Variants in ABCC12 observed in about 807,000 individuals in gnomAD.
The protein encoded by ABCC12 is ATP-binding cassette sub-family C member 12.
In ABCC12, 142 loss-of-function variants were observed where a neutral mutation model predicts 151.1. That is an observed-to-expected ratio of 0.94 (90% CI 0.82 to 1.08). ABCC12 has a LOEUF of 1.08. Ranked by LOEUF, ABCC12 falls within the 50% of genes least tolerant of loss-of-function variation. The pLI, the probability that ABCC12 is intolerant of heterozygous loss-of-function variation, is 0.00. For missense variants in ABCC12, 1,638 were observed against 1,691.1 expected (o/e 0.97, Z 0.55); for synonymous variants, 645 against 646.4 (o/e 1.00, Z 0.03).
At chr16:48,101,560 G>A (rs575455515) in intron 22 of ABCC12, among the ~76,000 whole-genome samples, 1 of 151,496 alleles carries the variant, frequency 6.6e-6, no homozygotes, top group Middle Eastern at 3.4e-3. Flanking sequence ...CAGGGACCTC[G>A]GGTGTTTACA....
At chr16:48,152,064 A>G (rs1458696403) in intron 2 of ABCC12, among the ~76,000 whole-genome samples, 1 of 152,190 alleles carries the variant, frequency 6.6e-6, no homozygotes, top group East Asian at 1.9e-4. Context: ...AAGGCTTGGC[A>G]TGACCGTGAA....
chr16:48,083,002 T>C lies in ABCC12; in HGVS notation c.*713A>G, dbSNP rs545074207. 1 of 152,272 alleles carries C rather than the reference T, an allele frequency of 6.6e-6. No individual in the cohort carries two copies. The highest frequency in any genetic ancestry group is 2.4e-5 in the African/African-American group (1 of 41,554). The allele number at this position is 152,272 out of a possible 1,614,324, so 9.4% of individuals were successfully genotyped here. A position where few individuals can be genotyped will look rare whatever the true frequency, so the allele number is the denominator to read the frequency against. On this transcript the variant is annotated 3_prime_UTR_variant, in exon 31 of 31. Coordinates refer to ENST00000311303, the MANE Select transcript of ABCC12 (RefSeq NM_001393797.1). ...AACAAGGGTCTATTGGAGGAAATAG[T>C]ATGGAAATTGGAATATCTTCAGTGA...
Position 48,115,427 on chromosome 16 carries a change from G to A in ABCC12, c.1977C>T (p.Thr659=). 6.2e-7 allele frequency: 1 copy of A among 1,614,056 alleles called. No homozygotes were observed. The highest frequency in any genetic ancestry group is 8.5e-7 in the Non-Finnish European group (1 of 1,179,974). ...TLRGKTVVLV[T]HQLQFLESCD... ...CATGTCCCATCACCTGTAGCTGGTG[G>A]GTCACCAGGACGACTGTCTTTCCCC... The change falls in exon 15 of 31, where the codon ACC becomes ACT. Residue 659 remains threonine (T), a synonymous_variant. Transcript: ENST00000311303.
At chr16:48,084,300 T>C (rs558257422) in intron 29 of ABCC12, among the ~76,000 whole-genome samples, 110 of 152,268 alleles carry the variant, frequency 7.2e-4, no homozygotes, top group African/African-American at 2.6e-3. Flanking sequence ...AGGGACAAGG[T>C]TGTATATCCT....
Position 48,146,333 on chromosome 16 carries a change from G to A in ABCC12, c.92C>T (p.Thr31Ile), listed in dbSNP as rs112583501. Reference protein sequence around the residue: ...FAERYDPSLKTMIPVRPCARL... With the variant: ...FAERYDPSLKIMIPVRPCARL... ...TGCACAGGGTCGCACTGGGATCATG[G>A]TCTTCAGGCTGGGGTCATATCTTTC... Residue 31 changes from threonine to isoleucine, a missense_variant, in exon 3 of 31, where the codon ACC (threonine) becomes ATC (isoleucine). Transcript: ENST00000311303. 3.1e-6 allele frequency: 5 copies of A among 1,614,162 alleles called. No homozygotes were observed. Among genetic ancestry groups the A allele is most frequent in the Non-Finnish European group, 3.4e-6 (4 of 1,180,018 alleles).
chr16:48,115,963 A>G (rs1263965688), intron 14 of ABCC12, among the ~76,000 whole-genome samples: 2 of 152,222 alleles, frequency 1.3e-5, no homozygotes, highest in Non-Finnish European at 2.9e-5. Context: ...GAATTGTGTG[A>G]GCAGAGAGCT....
intron 13 of ABCC12, among the ~76,000 whole-genome samples, chr16:48,119,853 A>G (rs1964007851): frequency 6.6e-6 from 1 of 152,220 alleles, no homozygotes; most frequent in Admixed American, 6.5e-5. Context: ...CTGGAGCTCA[A>G]CGTCTAAGTC....
chr16:48,113,524 G>A (rs1197500713), intron 15 of ABCC12, among the ~76,000 whole-genome samples: 3 of 152,328 alleles, frequency 2.0e-5, no homozygotes, highest in East Asian at 3.9e-4. Context: ...TTCCTTAGAA[G>A]AGCGATCATC....
intron 24 of ABCC12, 122 bp downstream of exon 24, chr16:48,096,624 C>CTCCCTT (rs1196245730): frequency 2.0e-6 from 2 of 1,013,570 alleles, no homozygotes; most frequent in African/African-American, 1.6e-5. Context: ...AGCCACTAAG[C>CTCCCTT]TCCCTTTCTC....
At chr16:48,124,333 G>C in intron 11 of ABCC12, 49 bp from the exon 12 acceptor site, 4 of 1,596,398 alleles carry the variant, frequency 2.5e-6, no homozygotes, top group Non-Finnish European at 3.4e-6. Flanking sequence ...CCACTTCTTA[G>C]AGGGTCTGGC....
intron 11 of ABCC12, among the ~76,000 whole-genome samples, chr16:48,125,296 C>T (rs1964203117): frequency 6.6e-6 from 1 of 152,204 alleles, no homozygotes; most frequent in Non-Finnish European, 1.5e-5. Context: ...GGGGAACTGA[C>T]TATAGCTTTG....
At chr16:48,111,713 C>T in intron 16 of ABCC12, 51 bp from the exon 17 acceptor site, 1 of 1,614,052 alleles carries the variant, frequency 6.2e-7, no homozygotes, top group Non-Finnish European at 8.5e-7. Flanking sequence ...GGACCTCTCC[C>T]AGGCACGAAA....
At chr16:48,122,373 G>A (rs942812344) in intron 12 of ABCC12, among the ~76,000 whole-genome samples, 1 of 152,246 alleles carries the variant, frequency 6.6e-6, no homozygotes, top group Non-Finnish European at 1.5e-5. Context: ...AATTTGTCCA[G>A]AGGAGTCAAA....
rs77032515 is a variant in ABCC12 at position 48,092,621 on chromosome 16, G to T, written c.3196-1412C>A. Among the ~76,000 whole-genome samples, 1,227 of 152,328 alleles carry T rather than the reference G, an allele frequency of 8.1e-3. 18 individuals carry two copies. The highest frequency in any genetic ancestry group is 0.029 in the African/African-American group (1,188 of 41,570). ...AGCAGTAGCCATGGGCCAGGTACTG[G>T]TTGGGGTGCCGGTTTCCAGAGTTGA... On this transcript the variant is annotated intron_variant, in intron 24 of 30. Coordinates refer to ENST00000311303, the MANE Select transcript of ABCC12 (RefSeq NM_001393797.1).
chr16:48,112,465 G>A (rs1417066313), intron 15 of ABCC12, among the ~76,000 whole-genome samples: 8 of 152,212 alleles, frequency 5.3e-5, no homozygotes, highest in East Asian at 3.9e-4. Context: ...GTATGGTGGC[G>A]TGCACCTATA....
intron 25 of ABCC12, among the ~76,000 whole-genome samples, chr16:48,090,401 C>CTTT (rs1011013161): frequency 6.7e-5 from 8 of 118,936 alleles, no homozygotes; most frequent in Non-Finnish European, 1.1e-4. Context: ...CAAATTTGAA[C>CTTT]TTTTTTTTTT....
Position 48,108,491 on chromosome 16 carries a change from C to T in ABCC12, c.2320G>A (p.Glu774Lys). ...TATGTTTTCCAGGTCACGGTTCCTT[C>T]CTGGGGGGATTCAGTCTGGATGAGC... ...HQLIQTESPQEGTVTWKTYHT... is the reference protein window; with the variant it reads ...HQLIQTESPQKGTVTWKTYHT... Residue 774 changes from glutamate to lysine, a missense_variant, in exon 19 of 31, where the codon GAA becomes AAA. Transcript: ENST00000311303. 2 of 1,614,178 alleles carry T rather than the reference C, an allele frequency of 1.2e-6. No individual in the cohort carries two copies. Among genetic ancestry groups the T allele is most frequent in the South Asian group, 2.2e-5 (2 of 91,082 alleles).
At position 48,096,908 on chromosome 16, in the gene ABCC12, G is replaced by T. The variant is rs541834952; in HGVS notation, c.3039-6C>A. ...AGTTAAAGTAGAGGAGGTGACTGGA[G>T]TTTTCGTCGTTTAGCGTCTTAAACC... is the stretch of plus-strand genomic sequence containing the variant. On this transcript the variant is annotated splice_region_variant and splice_polypyrimidine_tract_variant and intron_variant, in intron 23 of 30. Transcript: ENST00000311303. 2 of 1,614,110 alleles carry T rather than the reference G, an allele frequency of 1.2e-6. No homozygotes were observed. The highest frequency in any genetic ancestry group is 3.3e-5 in the Admixed American group (2 of 60,016).
intron 1 of ABCC12, among the ~76,000 whole-genome samples, chr16:48,154,701 C>T (rs569023831): frequency 2.0e-5 from 3 of 152,332 alleles, no homozygotes; most frequent in South Asian, 2.1e-4. Context: ...GCCCACTTTG[C>T]TCTGTTATAT....
Sources: allele counts gnomAD v4.1 joint callset (sites outside exome capture counted in the v4.1 genomes callset), GRCh38; gene constraint gnomAD v4.1.1; transcripts MANE v1.5; gene names NCBI Gene and HGNC (gene_info 2026-07-23, HGNC 2026-07-21).